ZRANB3: variants seen among roughly 807,000 people sequenced by gnomAD.
ZRANB3 encodes the protein DNA annealing helicase and endonuclease ZRANB3.
In ZRANB3, 125 loss-of-function variants were observed where a neutral mutation model predicts 133.8. The observed-to-expected ratio is 0.93, with a 90% CI of 0.81 to 1.08. The LOEUF (loss-of-function observed/expected upper bound fraction) is 1.08, where lower values mean the gene tolerates loss of function less well. ZRANB3 is among the 50% of genes least tolerant of loss of function. The pLI, the probability that ZRANB3 is intolerant of heterozygous loss-of-function variation, is 0.00. For synonymous variants in ZRANB3, 387 were observed against 432.7 expected, an observed-to-expected ratio of 0.89 and a Z score of 1.31; for missense variants, 1,229 against 1,275.5, an observed-to-expected ratio of 0.96 and a Z score of 0.56.
chr2:135,265,553 T>C lies in ZRANB3; in HGVS notation c.1520A>G (p.Lys507Arg). 9 of 1,613,384 alleles carry C rather than the reference T, an allele frequency of 5.6e-6. No individual in the cohort carries two copies. Among genetic ancestry groups the C allele is most frequent in the Non-Finnish European group, 7.6e-6 (9 of 1,179,686 alleles). ...TCTTACGTGAGTGAACAAAGCTTCC[T>C]TCCTTAACTCTTCAGAACTGTCATT... is the stretch of plus-strand genomic sequence containing the variant. ...TPNDSSEELR[K>R]EALFTHFEKE... The change falls in exon 12 of 21, where the codon AAG becomes AGG. Residue 507 changes from lysine to arginine, a missense_variant. By Grantham distance (26) the Lys-to-Arg change is conservative. Transcript: ENST00000264159.
At chr2:135,513,170 C>T (rs553493088) in intron 1 of ZRANB3, among the ~76,000 whole-genome samples, 1 of 152,146 alleles carries the variant, frequency 6.6e-6, no homozygotes, top group South Asian at 2.1e-4. Flanking sequence ...TTCAGGAATG[C>T]ACAGCTGATT....
intron 3 of ZRANB3, among the ~76,000 whole-genome samples, chr2:135,371,663 C>T (rs990661637): frequency 2.0e-5 from 3 of 152,134 alleles, no homozygotes; most frequent in Admixed American, 6.6e-5. Flanking sequence ...AATTTTTAGG[C>T]TGAGAAATGA....
intron 8 of ZRANB3, among the ~76,000 whole-genome samples, chr2:135,283,689 G>A (rs1291191405): frequency 6.6e-6 from 1 of 151,368 alleles, no homozygotes; most frequent in Non-Finnish European, 1.5e-5. Flanking sequence ...CACTAGTCAT[G>A]ACAATAAGAT....
intron 20 of ZRANB3, 193 bp downstream of exon 20, chr2:135,202,639 G>C: frequency 1.9e-6 from 1 of 527,932 alleles, no homozygotes. Context: ...GAATGAAAAG[G>C]GAAGCAGCTT....
At chr2:135,221,830 G>A (rs966532563) in intron 15 of ZRANB3, among the ~76,000 whole-genome samples, 5 of 152,154 alleles carry the variant, frequency 3.3e-5, no homozygotes, top group Admixed American at 6.5e-5. Flanking sequence ...TATAAGAGGA[G>A]CATTGATTAC....
intron 12 of ZRANB3, among the ~76,000 whole-genome samples, chr2:135,253,868 C>T (rs1031055689): frequency 6.6e-6 from 1 of 152,208 alleles, no homozygotes; most frequent in Admixed American, 6.5e-5. Context: ...GAACTTCTGT[C>T]TCTTCACCCT....
At chr2:135,232,718 C>A (rs1353710827) in intron 12 of ZRANB3, among the ~76,000 whole-genome samples, 5 of 152,170 alleles carry the variant, frequency 3.3e-5, no homozygotes, top group Non-Finnish European at 7.3e-5. Flanking sequence ...CTCCAACAGA[C>A]CTGCAGCTGA....
At chr2:135,494,940 A>G (rs1304631676) in intron 2 of ZRANB3, among the ~76,000 whole-genome samples, 1 of 152,226 alleles carries the variant, frequency 6.6e-6, no homozygotes, top group East Asian at 1.9e-4. Context: ...GTATTGTATA[A>G]TAGTTAAATT....
chr2:135,441,789 G>GA (rs1485621871), intron 2 of ZRANB3, among the ~76,000 whole-genome samples: 2 of 151,574 alleles, frequency 1.3e-5, no homozygotes, highest in East Asian at 3.9e-4. Context: ...CAACAATTAA[G>GA]AAAAAAAACT....
chr2:135,330,416 T>C (rs1684078835), intron 6 of ZRANB3, among the ~76,000 whole-genome samples: 1 of 152,214 alleles, frequency 6.6e-6, no homozygotes, highest in South Asian at 2.1e-4. Context: ...GACTTGATCG[T>C]GGTGGATAAG....
rs1340900296 is a variant in ZRANB3 at position 135,275,670 on chromosome 2, A to C, written c.1052T>G (p.Leu351Arg). The change falls in exon 9 of 21, where the codon CTC becomes CGC. Residue 351 changes from leucine (L) to arginine (R), a missense_variant. Coordinates refer to ENST00000264159, the MANE Select transcript of ZRANB3 (RefSeq NM_032143.4). Reference protein sequence around the residue: ...FLVFAHHLSMLQACTEAVIEN... With the variant: ...FLVFAHHLSMRQACTEAVIEN... Reference sequence around the variant, plus strand: ...GATGACTGCTTCTGTGCAAGCTTGGAGCATGCTTAAATGGTGAGCAAAAAC... The same window carrying C: ...GATGACTGCTTCTGTGCAAGCTTGGCGCATGCTTAAATGGTGAGCAAAAAC... 6.2e-7 allele frequency: 1 copy of C among 1,606,798 alleles called. No homozygotes were observed. Among genetic ancestry groups the C allele is most frequent in the Non-Finnish European group, 8.5e-7 (1 of 1,176,372 alleles).
intron 2 of ZRANB3, among the ~76,000 whole-genome samples, chr2:135,429,416 G>A (rs554589544): frequency 3.6e-4 from 54 of 152,036 alleles, no homozygotes; most frequent in African/African-American, 1.2e-3. Flanking sequence ...AGAGGATCAG[G>A]TACTATGCTT....
rs1422308522 is a variant in ZRANB3, at chr2:135,217,446, A to T, written c.2495+19T>A. 7.6e-6 allele frequency: 12 copies of T among 1,578,878 alleles called. No homozygotes were observed. Among genetic ancestry groups the T allele is most frequent in the South Asian group, 2.4e-5 (2 of 84,012 alleles). ...TGAAAAGTAATATAATACAAAATTT[A>T]AAAAAAGACAACTCATACCTTTTGG... On this transcript the variant is annotated intron_variant, in intron 17 of 20. Coordinates refer to ENST00000264159, the MANE Select transcript of ZRANB3 (RefSeq NM_032143.4).
Position 135,219,084 on chromosome 2 carries a change from C to T in ZRANB3, c.2345G>A (p.Arg782His), listed in dbSNP as rs774807770. The T allele has an allele frequency of 1.3e-5, 20 of 1,495,972 alleles. No homozygotes were observed. Among genetic ancestry groups the T allele is most frequent in the Admixed American group, 2.8e-5 (1 of 35,994 alleles). The allele number at this position is 1,495,972 out of a possible 1,614,324, so 92.7% of individuals were successfully genotyped here. A position where few individuals can be genotyped will look rare whatever the true frequency, so the allele number is the denominator to read the frequency against. Residue 782 changes from arginine to histidine, a missense_variant, in exon 16 of 21, where the codon CGC (arginine) becomes CAC (histidine). Physicochemically the swap from Arg to His is conservative, Grantham distance 29. Transcript: ENST00000264159. ...ATTTAAAACTATTCTTACCAGTGAGCGATATTGTTTCAGCTGAAAGCTTGC... is the reference window on the plus strand; with the variant it reads ...ATTTAAAACTATTCTTACCAGTGAGTGATATTGTTTCAGCTGAAAGCTTGC... The part of the protein sequence containing the change: ...LPASFQLKQY[R>H]SLILRFVREW...
At chr2:135,297,333 G>A (rs904988290) in intron 8 of ZRANB3, among the ~76,000 whole-genome samples, 4 of 152,234 alleles carry the variant, frequency 2.6e-5, no homozygotes, top group Non-Finnish European at 5.9e-5. Flanking sequence ...AGACTGCTGT[G>A]CTAGCAATGA....
chr2:135,523,266 T>TC (rs1050330789), intron 1 of ZRANB3, among the ~76,000 whole-genome samples: 1 of 151,952 alleles, frequency 6.6e-6, no homozygotes, highest in South Asian at 2.1e-4. Context: ...TCTATCCTTT[T>TC]CCCCCCCAAG....
intron 2 of ZRANB3, among the ~76,000 whole-genome samples, chr2:135,420,026 C>T (rs1373006196): frequency 6.8e-6 from 1 of 147,392 alleles, no homozygotes; most frequent in Admixed American, 6.9e-5. Context: ...CTTTAACTCT[C>T]CATATATATG....
At chr2:135,409,578 G>A (rs892894235) in intron 2 of ZRANB3, among the ~76,000 whole-genome samples, 2 of 152,056 alleles carry the variant, frequency 1.3e-5, no homozygotes, top group African/African-American at 4.8e-5. Flanking sequence ...GAACTGGAAC[G>A]AGACTAAGAT....
At chr2:135,394,057 C>T (rs2104930061) in intron 2 of ZRANB3, among the ~76,000 whole-genome samples, 1 of 151,988 alleles carries the variant, frequency 6.6e-6, no homozygotes, top group South Asian at 2.1e-4. Flanking sequence ...CAGGGTTTCA[C>T]TATGGTGGCC....
Sources: gnomAD v4.1 joint callset for allele counts (sites outside exome capture counted in the v4.1 genomes callset) on GRCh38, gnomAD v4.1.1 for gene constraint, MANE v1.5 for transcripts, NCBI Gene and HGNC (gene_info 2026-07-23, HGNC 2026-07-21) for gene names.